MMD: variants seen among roughly 807,000 people sequenced by gnomAD.
MMD encodes the protein monocyte to macrophage differentiation associated, also known as monocyte to macrophage differentiation factor.
MMD carries 22 observed loss-of-function variants against 33.6 expected under a neutral mutation model. The observed-to-expected ratio is 0.66, with a 90% CI of 0.47 to 0.94. MMD has a LOEUF of 0.94. MMD is among the 40% of genes least tolerant of loss of function. The pLI is 0.00. For synonymous variants in MMD, 97 were observed against 103.2 expected, an observed-to-expected ratio of 0.94 and a Z score of 0.36; for missense variants, 242 against 309.8, an observed-to-expected ratio of 0.78 and a Z score of 1.64.
chr17:55,394,600 T>C, intron 6 of MMD, 66 bp from the exon 7 acceptor site: 2 of 1,239,686 alleles, frequency 1.6e-6, no homozygotes, highest in Non-Finnish European at 2.1e-6. Flanking sequence ...TACAGATAAC[T>C]GTAATTCTCT....
intron 5 of MMD, among the ~76,000 whole-genome samples, chr17:55,401,983 GGC>G (rs1907350338): frequency 2.8e-5 from 1 of 35,958 alleles, no homozygotes; most frequent in Non-Finnish European, 4.9e-5. Flanking sequence ...GCAGGAGAAT[GGC>G]GTGAACCCGA....
At chr17:55,409,074 GT>G (rs1907663707) in intron 3 of MMD, among the ~76,000 whole-genome samples, 1 of 152,034 alleles carries the variant, frequency 6.6e-6, no homozygotes, top group African/African-American at 2.4e-5. Flanking sequence ...TAAAAAAAAA[GT>G]TTTAAAGGAA....
At chr17:55,413,044 G>A (rs1907823201) in intron 2 of MMD, among the ~76,000 whole-genome samples, 1 of 152,162 alleles carries the variant, frequency 6.6e-6, no homozygotes, top group Non-Finnish European at 1.5e-5. Context: ...ATTAATATGG[G>A]GGTTTTGTCA....
chr17:55,399,421 C>T (rs1907243390), intron 6 of MMD, among the ~76,000 whole-genome samples: 1 of 152,160 alleles, frequency 6.6e-6, no homozygotes. Context: ...AGCTCTCCAG[C>T]TTTATTACAA....
chr17:55,407,298 CAAAATAAATAAATAAATAAA>C (rs1260367640), intron 4 of MMD, among the ~76,000 whole-genome samples: 1 of 136,318 alleles, frequency 7.3e-6, no homozygotes, highest in African/African-American at 2.9e-5. Flanking sequence ...GACTCCATCT[CAAAATAAATAAATAAATAAA>C]TAAATAAATA....
intron 2 of MMD, among the ~76,000 whole-genome samples, 194 bp downstream of exon 2, chr17:55,413,957 G>T (rs1907862991): frequency 6.6e-6 from 1 of 152,202 alleles, no homozygotes; most frequent in Non-Finnish European, 1.5e-5. Flanking sequence ...AGAGCTGACT[G>T]TAGGTTAGAA....
chr17:55,414,028 T>G, intron 2 of MMD, 123 bp downstream of exon 2: 1 of 893,178 alleles, frequency 1.1e-6, no homozygotes, highest in South Asian at 1.4e-5. Flanking sequence ...ACTGATTTCC[T>G]GGTAGATAAG....
At chr17:55,414,556 TCACACACACACACACACACACACA>T (rs58103743) in intron 1 of MMD, among the ~76,000 whole-genome samples, 1 of 122,922 alleles carries the variant, frequency 8.1e-6, no homozygotes, top group African/African-American at 3.2e-5. Context: ...CCTCCTCCAT[TCACACACACACACACACACACACA>T]CACACACACA....
At chr17:55,418,163 C>T (rs1320747361) in intron 1 of MMD, among the ~76,000 whole-genome samples, 1 of 152,230 alleles carries the variant, frequency 6.6e-6, no homozygotes, top group African/African-American at 2.4e-5. Flanking sequence ...CCAGACTATC[C>T]TAACTGAAGT....
chr17:55,417,140 C>T (rs1461725582), intron 1 of MMD, among the ~76,000 whole-genome samples: 3 of 152,062 alleles, frequency 2.0e-5, no homozygotes, highest in African/African-American at 7.2e-5. Flanking sequence ...ATCTGCAACC[C>T]ACCAGCAGAT....
chr17:55,412,372 T>C (rs2143151019), intron 2 of MMD, among the ~76,000 whole-genome samples: 1 of 152,124 alleles, frequency 6.6e-6, no homozygotes, highest in East Asian at 1.9e-4. Context: ...GAGCAAACCA[T>C]TTCCAAGGCC....
rs1425466940 is a variant in MMD at position 55,393,521 on chromosome 17, G to A, written c.*813C>T. 7 of 152,608 alleles carry A rather than the reference G, an allele frequency of 4.6e-5. No individual in the cohort carries two copies. The allele number at this position is 152,608 out of a possible 1,614,324, so 9.5% of individuals were successfully genotyped here. ...CCACTGTGGAAAGAGACCCTGAAGA[G>A]AATGTGGCAAAGGCATAGAGAAAAA... On this transcript the variant is annotated 3_prime_UTR_variant, in exon 7 of 7. Transcript: ENST00000262065.
At chr17:55,411,498 A>C in intron 2 of MMD, 81 bp from the exon 3 acceptor site, 2 of 1,404,008 alleles carry the variant, frequency 1.4e-6, no homozygotes, top group Non-Finnish European at 1.9e-6. Flanking sequence ...ACAGAGCTTT[A>C]CCAGGAACAA....
intron 6 of MMD, among the ~76,000 whole-genome samples, chr17:55,395,984 C>A (rs1033663393): frequency 6.6e-6 from 1 of 152,158 alleles, no homozygotes; most frequent in Admixed American, 6.5e-5. Context: ...AGACTAAGGC[C>A]AGAGCAGTGA....
intron 2 of MMD, among the ~76,000 whole-genome samples, chr17:55,412,030 T>C (rs780754294): frequency 7.9e-5 from 12 of 152,190 alleles, no homozygotes; most frequent in Non-Finnish European, 1.0e-4. Flanking sequence ...TGAGCCATGA[T>C]TGTACCACTG....
In MMD at chr17:55,420,815, CCT is replaced by C. The variant is rs763346252; in HGVS notation, c.26+853_26+854del. On this transcript the variant is annotated intron_variant, in intron 1 of 6. Transcript: ENST00000262065. The stretch of plus-strand genomic sequence containing the variant: ...AAACAGAAAAGAAAAGCCCGGAGTT[CCT>C]CTCAGAGTCATGGGCTAACCTCCAT... Among the ~76,000 whole-genome samples the C allele has an allele frequency of 3.9e-5, 6 of 152,302 alleles. No homozygotes were observed. The East Asian group carries it at 7.7e-4, about 20-fold the overall frequency.
rs189286881 is a variant in MMD at position 55,396,529 on chromosome 17, A to G, written c.517-1995T>C. On this transcript the variant is annotated intron_variant, in intron 6 of 6. Transcript: ENST00000262065. ...TCCCACCTGCTTTAGACTAAATTGA[A>G]TAACTTTGGGATTCCATTTTATCTT... is the stretch of plus-strand genomic sequence containing the variant. Among the ~76,000 whole-genome samples, 15 of 152,298 alleles carry G rather than the reference A, an allele frequency of 9.8e-5. No homozygotes were observed. The East Asian group carries it at 2.3e-3, about 23-fold the overall frequency.
At chr17:55,409,003 A>G (rs1479330230) in intron 3 of MMD, among the ~76,000 whole-genome samples, 1 of 152,222 alleles carries the variant, frequency 6.6e-6, no homozygotes, top group Non-Finnish European at 1.5e-5. Flanking sequence ...TCTGTCTCAA[A>G]AAAAACAAAA....
At chr17:55,420,361 C>G (rs1389648737) in intron 1 of MMD, 4 of 152,190 alleles carry the variant, frequency 2.6e-5, no homozygotes, top group Non-Finnish European at 5.9e-5. Context: ...CCATTTTGCC[C>G]TTAGACACAC....
Sources: allele counts gnomAD v4.1 joint callset (sites outside exome capture counted in the v4.1 genomes callset), GRCh38; gene constraint gnomAD v4.1.1; transcripts MANE v1.5; gene names NCBI Gene and HGNC (gene_info 2026-07-23, HGNC 2026-07-21).